The following GAS2L3 variants were observed in gnomAD, a reference collection of about 807,000 sequenced individuals.
GAS2L3 encodes the protein growth arrest specific 2 like 3, also known as GAS2-like protein 3.
In GAS2L3, 28 loss-of-function variants were observed where a neutral mutation model predicts 37.0. The ratio of observed to expected loss-of-function variants is 0.76; its 90% CI spans 0.56 to 1.04. The LOEUF is 1.04. Ranked by LOEUF, GAS2L3 falls within the 50% of genes least tolerant of loss-of-function variation. The probability of loss-of-function intolerance (pLI) is 0.00; values close to 1 mark genes in which losing one functional copy is unlikely to be tolerated. For synonymous variants in GAS2L3, 290 were observed against 296.6 expected (o/e 0.98, Z 0.23); for missense variants, 793 against 817.6 (o/e 0.97, Z 0.37).
chr12:100,621,023 A>G (rs971945302), intron 8 of GAS2L3, among the ~76,000 whole-genome samples: 2 of 152,128 alleles, frequency 1.3e-5, no homozygotes, highest in African/African-American at 4.8e-5. Context: ...TGTTAAATAA[A>G]TGATATAGGA....
chr12:100,582,319 C>G (rs1297809697), intron 1 of GAS2L3, among the ~76,000 whole-genome samples: 1 of 152,350 alleles, frequency 6.6e-6, no homozygotes, highest in African/African-American at 2.4e-5. Flanking sequence ...AGGAGCAAAT[C>G]ACAATGGTGG....
intron 1 of GAS2L3, chr12:100,574,013 C>T (rs1012323841): frequency 1.3e-5 from 2 of 152,266 alleles, no homozygotes; most frequent in African/African-American, 4.8e-5. Flanking sequence ...GACGTTGCGC[C>T]TGCCTTCACC....
chr12:100,611,796 A>G (rs769937857), intron 5 of GAS2L3, among the ~76,000 whole-genome samples: 2 of 152,112 alleles, frequency 1.3e-5, no homozygotes, highest in Non-Finnish European at 1.5e-5. Flanking sequence ...CAGGCCACAG[A>G]CCGGTACCAG....
chr12:100,599,711 C>T (rs1449046036), intron 3 of GAS2L3, among the ~76,000 whole-genome samples: 1 of 152,148 alleles, frequency 6.6e-6, no homozygotes, highest in Non-Finnish European at 1.5e-5. Context: ...ATCTGCTAGG[C>T]TCAATGCCAG....
In GAS2L3 at chr12:100,627,339, A is replaced by C. The variant is rs1345297050; in HGVS notation, c.*2449A>C. The C allele has an allele frequency of 6.6e-6, 1 of 151,630 alleles. No homozygotes were observed. 9.4% of individuals were successfully genotyped at this position (151,630 alleles called of 1,614,324 possible). On this transcript the variant is annotated 3_prime_UTR_variant, in exon 10 of 10. Transcript: ENST00000547754. ...GCCCAGACTGGAGTGCAGTGGCACA[A>C]TCTCAGCTCATTGCAACCTCTGCCT...
At chr12:100,576,725 A>ATTTGAT (rs1285208610) in intron 1 of GAS2L3, among the ~76,000 whole-genome samples, 1 of 149,666 alleles carries the variant, frequency 6.7e-6, no homozygotes, top group Admixed American at 6.8e-5. Context: ...AAGTGTTTTC[A>ATTTGAT]TTTGATTACA....
chr12:100,598,072 A>G (rs1045585394), intron 3 of GAS2L3, among the ~76,000 whole-genome samples: 8 of 152,120 alleles, frequency 5.3e-5, no homozygotes, highest in African/African-American at 1.9e-4. Context: ...ACTCTAATGC[A>G]CTATTACCTC....
intron 5 of GAS2L3, among the ~76,000 whole-genome samples, chr12:100,603,219 C>G (rs1956014308): frequency 6.6e-6 from 1 of 152,164 alleles, no homozygotes; most frequent in Non-Finnish European, 1.5e-5. Flanking sequence ...AACCTCCAAA[C>G]TGTTCTCCAC....
At chr12:100,599,097 T>G (rs1050860060) in intron 3 of GAS2L3, among the ~76,000 whole-genome samples, 4 of 152,144 alleles carry the variant, frequency 2.6e-5, no homozygotes, top group African/African-American at 9.7e-5. Context: ...ACCTCACTCA[T>G]GCTCTGACTC....
At chr12:100,599,496 A>T (rs1189313629) in intron 3 of GAS2L3, among the ~76,000 whole-genome samples, 1 of 152,224 alleles carries the variant, frequency 6.6e-6, no homozygotes, top group Admixed American at 6.5e-5. Flanking sequence ...TGTACAAACT[A>T]TTCTTAGCTT....
chr12:100,612,709 A>G (rs1359781955), intron 6 of GAS2L3, among the ~76,000 whole-genome samples: 4 of 152,208 alleles, frequency 2.6e-5, no homozygotes, highest in Non-Finnish European at 5.9e-5. Context: ...GTTTTATACT[A>G]TATTTGAAAG....
intron 4 of GAS2L3, 151 bp downstream of exon 4, chr12:100,600,701 A>C: frequency 1.5e-6 from 1 of 671,464 alleles, no homozygotes; most frequent in Non-Finnish European, 2.5e-6. Context: ...CCCAGGTTAC[A>C]TTTCAGCTGG....
At chr12:100,575,759 T>G (rs1955629176) in intron 1 of GAS2L3, among the ~76,000 whole-genome samples, 1 of 152,102 alleles carries the variant, frequency 6.6e-6, no homozygotes, top group Admixed American at 6.5e-5. Flanking sequence ...ATTACAGGCA[T>G]GAGTCACCGC....
chr12:100,616,575 A>C (rs1387001963), intron 6 of GAS2L3, among the ~76,000 whole-genome samples: 1 of 151,716 alleles, frequency 6.6e-6, no homozygotes, highest in Non-Finnish European at 1.5e-5. Context: ...ATCTGGGATT[A>C]CAAGTGTGCA....
At chr12:100,601,127 A>G (rs1400205038) in intron 4 of GAS2L3, among the ~76,000 whole-genome samples, 1 of 152,176 alleles carries the variant, frequency 6.6e-6, no homozygotes, top group East Asian at 1.9e-4. Context: ...CCTGAAAAAG[A>G]ATATCTTAAA....
Position 100,624,598 on chromosome 12 carries a change from A to G in GAS2L3, c.1793A>G (p.Gln598Arg). Reference sequence around the variant, plus strand: ...CAGCCTCAGAATAAAAGTGCATTTCAGAAGACAGGACCCAGCTCCTTGAAG... The same window carrying G: ...CAGCCTCAGAATAAAAGTGCATTTCGGAAGACAGGACCCAGCTCCTTGAAG... ...KKQPQNKSAF[Q>R]KTGPSSLKSP... The change falls in exon 10 of 10, where the codon CAG (glutamine) becomes CGG (arginine). Residue 598 changes from glutamine (Q) to arginine (R), a missense_variant. Gln to Arg is a conservative substitution (Grantham distance 43). Transcript: ENST00000547754. The G allele has an allele frequency of 6.2e-7, 1 of 1,614,138 alleles. No individual in the cohort carries two copies. Among genetic ancestry groups the G allele is most frequent in the Non-Finnish European group, 8.5e-7 (1 of 1,180,030 alleles).
At chr12:100,613,090 A>G (rs1450806718) in intron 6 of GAS2L3, among the ~76,000 whole-genome samples, 2 of 152,204 alleles carry the variant, frequency 1.3e-5, no homozygotes, top group East Asian at 3.8e-4. Context: ...GCTGATCATT[A>G]TTGACAGTGT....
chr12:100,627,629 T>C lies in GAS2L3; in HGVS notation c.*2739T>C, dbSNP rs1292002964. On this transcript the variant is annotated 3_prime_UTR_variant, in exon 10 of 10. Transcript: ENST00000547754. Reference sequence around the variant, plus strand: ...CCGAAAGACAATTAGTTTCTTCAGATGTATTTTGAAATTCTCCTAAAGAGC... The same window carrying C: ...CCGAAAGACAATTAGTTTCTTCAGACGTATTTTGAAATTCTCCTAAAGAGC... 1 of 152,236 alleles carries C rather than the reference T, an allele frequency of 6.6e-6. No homozygotes were observed. Among genetic ancestry groups the C allele is most frequent in the Non-Finnish European group, 1.5e-5 (1 of 68,036 alleles). 9.4% of individuals were successfully genotyped at this position (152,236 alleles called of 1,614,324 possible).
chr12:100,577,377 T>TA (rs1198430205), intron 1 of GAS2L3, among the ~76,000 whole-genome samples: 7 of 152,144 alleles, frequency 4.6e-5, no homozygotes, highest in Admixed American at 1.3e-4. Flanking sequence ...TTAAGTTCGT[T>TA]AAAAAAATTG....
Sources: allele counts gnomAD v4.1 joint callset (sites outside exome capture counted in the v4.1 genomes callset), GRCh38; gene constraint gnomAD v4.1.1; transcripts MANE v1.5; gene names NCBI Gene and HGNC (gene_info 2026-07-23, HGNC 2026-07-21).